The following CYP39A1 variants were observed in gnomAD, a reference collection of about 807,000 sequenced individuals.
CYP39A1 encodes 24-hydroxycholesterol 7-alpha-hydroxylase.
A neutral mutation model predicts 58.1 loss-of-function variants in CYP39A1; 49 were observed. The ratio of observed to expected loss-of-function variants is 0.84; its 90% confidence interval spans 0.67 to 1.07. The LOEUF is 1.07. CYP39A1 is among the 50% of genes least tolerant of loss of function. The probability of loss-of-function intolerance (pLI) is 0.00; values close to 1 mark genes in which losing one functional copy is unlikely to be tolerated. For missense variants in CYP39A1, 531 were observed against 539.4 expected (o/e 0.98, Z 0.16); for synonymous variants, 209 against 187.6 (o/e 1.11, Z -0.93).
At chr6:46,602,684 C>T (rs6924707) in intron 7 of CYP39A1, among the ~76,000 whole-genome samples, 64,643 of 118,138 alleles carry the variant, frequency 0.55, 19,910 homozygotes, top group African/African-American at 0.88. Flanking sequence ...TGGTGGTGCA[C>T]GTCTCAAAAA....
intron 5 of CYP39A1, among the ~76,000 whole-genome samples, chr6:46,633,773 C>T (rs1236312652): frequency 1.3e-5 from 2 of 152,108 alleles, no homozygotes; most frequent in East Asian, 3.9e-4. Context: ...AGGAGAATTG[C>T]TTGAACCTGG....
At chr6:46,579,908 ATT>A (rs778719022) in intron 10 of CYP39A1, among the ~76,000 whole-genome samples, 1 of 152,194 alleles carries the variant, frequency 6.6e-6, no homozygotes, top group Non-Finnish European at 1.5e-5. Context: ...AAGAATCAAT[ATT>A]GTTAAAACGG....
intron 7 of CYP39A1, among the ~76,000 whole-genome samples, chr6:46,611,896 T>C (rs1774238502): frequency 6.6e-6 from 1 of 152,190 alleles, no homozygotes; most frequent in South Asian, 2.1e-4. Context: ...TTTACCTTAG[T>C]ATTTCCTAAA....
chr6:46,604,877 T>C (rs1040721467), intron 7 of CYP39A1, among the ~76,000 whole-genome samples: 1 of 152,100 alleles, frequency 6.6e-6, no homozygotes, highest in African/African-American at 2.4e-5. Context: ...TAAAAATCTA[T>C]GAGGGGATAC....
Position 46,588,034 on chromosome 6 carries a change from A to G in CYP39A1, c.1161T>C (p.Pro387=). 6.5e-7 allele frequency: 1 copy of G among 1,531,752 alleles called. No individual in the cohort carries two copies. Among genetic ancestry groups the G allele is most frequent in the Non-Finnish European group, 8.9e-7 (1 of 1,123,200 alleles). 94.9% of individuals were successfully genotyped at this position (1,531,752 alleles called of 1,614,324 possible). A position where few individuals can be genotyped will look rare whatever the true frequency, so the allele number is the denominator to read the frequency against. ...KYFPEPELFK[P]ERWKKANLEK... ...ATATATACTGAAAGAGATAACTTAC[A>G]GGTTTGAACAATTCAGGCTCAGGAA... The change falls in exon 9 of 12, where the codon CCT becomes CCC. Residue 387 remains proline (P), a splice_region_variant and synonymous_variant. Coordinates refer to ENST00000275016, the MANE Select transcript of CYP39A1 (RefSeq NM_016593.5).
chr6:46,631,393 A>G (rs1181998726), intron 5 of CYP39A1, among the ~76,000 whole-genome samples: 1 of 152,088 alleles, frequency 6.6e-6, no homozygotes, highest in Non-Finnish European at 1.5e-5. Context: ...TATGGTACCT[A>G]CCTCGTAGGA....
intron 7 of CYP39A1, among the ~76,000 whole-genome samples, chr6:46,620,804 T>C (rs1774909791): frequency 6.6e-6 from 1 of 152,142 alleles, no homozygotes; most frequent in African/African-American, 2.4e-5. Context: ...GAAATATCTG[T>C]CTAGTTAATA....
At chr6:46,572,212 T>A (rs1159499047) in intron 10 of CYP39A1, among the ~76,000 whole-genome samples, 1 of 152,162 alleles carries the variant, frequency 6.6e-6, no homozygotes, top group Non-Finnish European at 1.5e-5. Context: ...ATAACACCAT[T>A]ATTGGATTAT....
chr6:46,565,390 G>A (rs920054878), intron 10 of CYP39A1, among the ~76,000 whole-genome samples: 6 of 151,718 alleles, frequency 4.0e-5, no homozygotes, highest in African/African-American at 1.5e-4. Context: ...AGAGTGGGAA[G>A]GTAGATGTTT....
chr6:46,574,419 C>T (rs1771747025), intron 10 of CYP39A1, among the ~76,000 whole-genome samples: 1 of 152,134 alleles, frequency 6.6e-6, no homozygotes, highest in African/African-American at 2.4e-5. Context: ...ATCAGTGCTT[C>T]AGAATCCCCA....
At chr6:46,555,072 C>T (rs1770604561) in intron 10 of CYP39A1, among the ~76,000 whole-genome samples, 1 of 151,984 alleles carries the variant, frequency 6.6e-6, no homozygotes, top group African/African-American at 2.4e-5. Flanking sequence ...CACACACACA[C>T]ACGCAATCTT....
chr6:46,637,943 A>G lies in CYP39A1; in HGVS notation c.524T>C (p.Phe175Ser), dbSNP rs1407725597. The G allele has an allele frequency of 6.2e-7, 1 of 1,613,292 alleles. No homozygotes were observed. The highest frequency in any genetic ancestry group is 8.5e-7 in the Non-Finnish European group (1 of 1,179,828). Residue 175 changes from phenylalanine (F) to serine (S), a missense_variant, in exon 4 of 12, where the codon TTT (phenylalanine) becomes TCT (serine). Transcript: ENST00000275016. ...LLYPVTVNMLFNKSLFSTNKK... is the reference protein window; with the variant it reads ...LLYPVTVNMLSNKSLFSTNKK... ...GTTTGTGGAAAACAAACTTTTATTAAAGAGCATATTCACTGTGACTGGATA... is the reference window on the plus strand; with the variant it reads ...GTTTGTGGAAAACAAACTTTTATTAGAGAGCATATTCACTGTGACTGGATA...
Position 46,625,398 on chromosome 6 carries a change from T to G in CYP39A1, c.931+20A>C. The G allele has an allele frequency of 6.5e-7, 1 of 1,544,992 alleles. No homozygotes were observed. The highest frequency in any genetic ancestry group is 8.8e-7 in the Non-Finnish European group (1 of 1,130,316). ...ACATGCATTATTAGCTGTGTCTTCC[T>G]ATATAATAAGGTTTAGTACCTGCTT... On this transcript the variant is annotated intron_variant, in intron 7 of 11. Transcript: ENST00000275016.
At chr6:46,610,343 C>T (rs985867910) in intron 7 of CYP39A1, among the ~76,000 whole-genome samples, 14 of 152,030 alleles carry the variant, frequency 9.2e-5, no homozygotes, top group African/African-American at 3.4e-4. Context: ...TACTAATTTA[C>T]ATTTCACGTA....
chr6:46,590,168 G>A (rs1387416755), intron 8 of CYP39A1, among the ~76,000 whole-genome samples: 2 of 152,158 alleles, frequency 1.3e-5, no homozygotes, highest in Non-Finnish European at 2.9e-5. Flanking sequence ...GAAAGATCAA[G>A]AGGGAGGCAA....
chr6:46,577,949 ATACTC>A (rs1771926669), intron 10 of CYP39A1, among the ~76,000 whole-genome samples: 1 of 152,132 alleles, frequency 6.6e-6, no homozygotes, highest in Non-Finnish European at 1.5e-5. Context: ...CATCTACAGA[ATACTC>A]TACCCAACAA....
At chr6:46,647,464 A>G (rs948541648) in intron 1 of CYP39A1, among the ~76,000 whole-genome samples, 1 of 152,186 alleles carries the variant, frequency 6.6e-6, no homozygotes, top group Non-Finnish European at 1.5e-5. Context: ...TGTCTAATTT[A>G]CCTATTTTAA....
At chr6:46,638,671 T>A (rs189679619) in intron 3 of CYP39A1, among the ~76,000 whole-genome samples, 14 of 152,334 alleles carry the variant, frequency 9.2e-5, no homozygotes, top group Non-Finnish European at 1.8e-4. Context: ...ATATTGGGTA[T>A]GCTTCAGCAC....
chr6:46,620,290 G>T (rs9463221), intron 7 of CYP39A1, among the ~76,000 whole-genome samples: 31,034 of 152,014 alleles, frequency 0.2, 3,542 homozygotes, highest in African/African-American at 0.31. Context: ...CTAAACCTCA[G>T]TACTACAGTA....
Sources: allele counts gnomAD v4.1 joint callset (sites outside exome capture counted in the v4.1 genomes callset), GRCh38; gene constraint gnomAD v4.1.1; transcripts MANE v1.5; gene names NCBI Gene and HGNC (gene_info 2026-07-23, HGNC 2026-07-21).